ANKRD22: variants seen among roughly 807,000 people sequenced by gnomAD.
ANKRD22 encodes the protein ankyrin repeat domain-containing protein 22.
In ANKRD22, 24 loss-of-function variants were observed where a neutral mutation model predicts 25.7. The observed-to-expected ratio is 0.93, with a 90% confidence interval of 0.68 to 1.31. The LOEUF (loss-of-function observed/expected upper bound fraction) is 1.31, where lower values mean the gene tolerates loss of function less well. Ranked by LOEUF, ANKRD22 falls within the 50% of genes most tolerant of loss-of-function variation. The pLI is 0.00. For missense variants in ANKRD22, 214 were observed against 227.1 expected (o/e 0.94, Z 0.37); for synonymous variants, 84 against 84.3 (o/e 1.00, Z 0.02).
rs186030618 is a variant in ANKRD22 at position 88,844,817 on chromosome 10, C to T, written c.21+6770G>A. On this transcript the variant is annotated intron_variant, in intron 1 of 5. Transcript: ENST00000371930. ...TATGCACACATATATGAAATAAAAG[C>T]TTATATTGTAGAAGGCATATACAAA... Among the ~76,000 whole-genome samples, 40 of 152,084 alleles carry T rather than the reference C, an allele frequency of 2.6e-4. 1 individual carries two copies. The highest frequency in any genetic ancestry group is 2.5e-3 in the Admixed American group (38 of 15,262).
intron 1 of ANKRD22, among the ~76,000 whole-genome samples, chr10:88,846,279 G>T (rs1162048498): frequency 6.6e-6 from 1 of 152,042 alleles, no homozygotes; most frequent in African/African-American, 2.4e-5. Flanking sequence ...ACAAGCATTG[G>T]CAACAGCATA....
intron 5 of ANKRD22, 31 bp from the exon 6 acceptor site, chr10:88,823,049 A>G (rs1403638143): frequency 1.3e-6 from 2 of 1,592,884 alleles, no homozygotes; most frequent in Non-Finnish European, 1.7e-6. Context: ...AGTTATTTCC[A>G]ATAGAGTGCC....
rs1176064677 is a variant in ANKRD22, at chr10:88,822,235, TA to T, written c.*705del. On this transcript the variant is annotated 3_prime_UTR_variant, in exon 6 of 6. Transcript: ENST00000371930. The stretch of plus-strand genomic sequence containing the variant: ...TGTCAATTTGCCAATTTCTGTGGTG[TA>T]AACACACTCACCGCTGACACTTGAT... 1 of 152,226 alleles carries T rather than the reference TA, an allele frequency of 6.6e-6. No homozygotes were observed. Among genetic ancestry groups the T allele is most frequent in the Non-Finnish European group, 1.5e-5 (1 of 68,044 alleles). The allele number at this position is 152,226 out of a possible 1,614,324, so 9.4% of individuals were successfully genotyped here. A position where few individuals can be genotyped will look rare whatever the true frequency, so the allele number is the denominator to read the frequency against.
intron 1 of ANKRD22, among the ~76,000 whole-genome samples, chr10:88,842,126 C>T (rs1360732692): frequency 6.6e-6 from 1 of 152,050 alleles, no homozygotes; most frequent in African/African-American, 2.4e-5. Flanking sequence ...AGCACTAAAT[C>T]TCTAAATGTA....
intron 1 of ANKRD22, 22 bp downstream of exon 1, chr10:88,851,565 T>C: frequency 6.2e-7 from 1 of 1,613,092 alleles, no homozygotes; most frequent in Admixed American, 1.7e-5. Flanking sequence ...TTTGGAACTC[T>C]GCTTTCAGAA....
chr10:88,822,856 A>T lies in ANKRD22; in HGVS notation c.*85T>A. The T allele has an allele frequency of 1.6e-6, 2 of 1,257,992 alleles. No individual in the cohort carries two copies. Among genetic ancestry groups the T allele is most frequent in the South Asian group, 2.6e-5 (2 of 76,230 alleles). The allele number at this position is 1,257,992 out of a possible 1,614,324, so 77.9% of individuals were successfully genotyped here. ...CCATAAAATGGTGGCATCCAGGTTA[A>T]ATGGCCCACAGACCAAAAGTCTAAA... On this transcript the variant is annotated 3_prime_UTR_variant, in exon 6 of 6. Coordinates refer to ENST00000371930, the MANE Select transcript of ANKRD22 (RefSeq NM_144590.3).
intron 4 of ANKRD22, among the ~76,000 whole-genome samples, chr10:88,823,827 C>CAAAA (rs56194758): frequency 7.7e-5 from 8 of 103,748 alleles, no homozygotes; most frequent in Admixed American, 2.1e-4. Flanking sequence ...GACTCCGTCT[C>CAAAA]AAAAAAAAAA....
intron 2 of ANKRD22, among the ~76,000 whole-genome samples, chr10:88,831,120 T>C (rs1339993888): frequency 1.3e-5 from 2 of 152,184 alleles, no homozygotes; most frequent in African/African-American, 4.8e-5. Flanking sequence ...AGGACAGTCA[T>C]AATGATTGCA....
intron 1 of ANKRD22, among the ~76,000 whole-genome samples, chr10:88,846,165 A>T (rs576541373): frequency 5.3e-5 from 8 of 151,582 alleles, no homozygotes; most frequent in Non-Finnish European, 1.0e-4. Context: ...TTCTCATTTG[A>T]CATACAGAAT....
chr10:88,826,356 C>T (rs967233295), intron 3 of ANKRD22, among the ~76,000 whole-genome samples: 6 of 152,218 alleles, frequency 3.9e-5, no homozygotes, highest in Middle Eastern at 3.2e-3. Flanking sequence ...ATGTACTTCT[C>T]AGGTCCCACC....
rs1247586564 is a variant in ANKRD22 at position 88,820,188 on chromosome 10, A to G, written c.*2753T>C. On this transcript the variant is annotated 3_prime_UTR_variant, in exon 6 of 6. Transcript: ENST00000371930. ...TTGAAACATAAATTATGAGCCTGAA[A>G]GTCCAAATGTTACCTAGAGTTAAGA... 1 of 1,463,904 alleles carries G rather than the reference A, an allele frequency of 6.8e-7. No individual in the cohort carries two copies. The highest frequency in any genetic ancestry group is 9.1e-7 in the Non-Finnish European group (1 of 1,093,008). The allele number at this position is 1,463,904 out of a possible 1,614,324, so 90.7% of individuals were successfully genotyped here. A position where few individuals can be genotyped will look rare whatever the true frequency, so the allele number is the denominator to read the frequency against.
intron 1 of ANKRD22, among the ~76,000 whole-genome samples, chr10:88,845,716 C>G (rs181333307): frequency 6.6e-6 from 1 of 152,126 alleles, no homozygotes; most frequent in Admixed American, 6.6e-5. Flanking sequence ...ATGCAACCAT[C>G]ATTATCACTC....
chr10:88,841,816 A>G (rs1332595278), intron 1 of ANKRD22, among the ~76,000 whole-genome samples: 2 of 152,196 alleles, frequency 1.3e-5, no homozygotes, highest in Admixed American at 6.5e-5. Flanking sequence ...AAGCAACTCT[A>G]TAACTGCAAC....
At chr10:88,844,899 C>T (rs376540656) in intron 1 of ANKRD22, among the ~76,000 whole-genome samples, 1 of 152,046 alleles carries the variant, frequency 6.6e-6, no homozygotes, top group Admixed American at 6.6e-5. Flanking sequence ...TTTTTTCTCT[C>T]CCACTTTCTC....
At chr10:88,845,507 T>C (rs926681274) in intron 1 of ANKRD22, among the ~76,000 whole-genome samples, 23 of 152,134 alleles carry the variant, frequency 1.5e-4, no homozygotes, top group Non-Finnish European at 3.2e-4. Flanking sequence ...TAAAGTACCA[T>C]GTCCAAATAG....
intron 1 of ANKRD22, among the ~76,000 whole-genome samples, chr10:88,833,878 T>C (rs1031955742): frequency 2.6e-5 from 4 of 152,222 alleles, no homozygotes; most frequent in African/African-American, 9.6e-5. Context: ...CTGGGGCAGT[T>C]GAAACACTTG....
Position 88,843,509 on chromosome 10 carries a change from G to A in ANKRD22, c.21+8078C>T, listed in dbSNP as rs947820968. Among the ~76,000 whole-genome samples the A allele has an allele frequency of 4.8e-4, 73 of 152,236 alleles. 1 individual carries two copies. Among genetic ancestry groups the A allele is most frequent in the African/African-American group, 1.7e-3 (72 of 41,548 alleles). On this transcript the variant is annotated intron_variant, in intron 1 of 5. Coordinates refer to ENST00000371930, the MANE Select transcript of ANKRD22 (RefSeq NM_144590.3). ...GTCTGATGGTGCATCAAGGCAATTA[G>A]CATCTTTTTCATTTTTCAAAATTGT...
Position 88,836,697 on chromosome 10 carries a change from G to A in ANKRD22, c.22-4671C>T, listed in dbSNP as rs538178559. On this transcript the variant is annotated intron_variant, in intron 1 of 5. Transcript: ENST00000371930. ...CAGTCTGTATTCGGGATATTGATCT[G>A]TCCACTTGTGGCACTGACTTGCTGG... Among the ~76,000 whole-genome samples the A allele has an allele frequency of 2.2e-4, 34 of 152,304 alleles. 1 individual carries two copies. The East Asian group carries it at 6.6e-3, about 29-fold the overall frequency.
At position 88,822,483 on chromosome 10, in the gene ANKRD22, C is replaced by T. The variant is rs931288875; in HGVS notation, c.*458G>A. On this transcript the variant is annotated 3_prime_UTR_variant, in exon 6 of 6. Transcript: ENST00000371930. ...GTGATACAACTGGGAAGGGAGAACG[C>T]TGTTTCAGAAGATAACTCAGATCCT... 6.8e-6 allele frequency: 1 copy of T among 148,108 alleles called. No individual in the cohort carries two copies. Among genetic ancestry groups the T allele is most frequent in the Non-Finnish European group, 1.5e-5 (1 of 68,552 alleles). The allele number at this position is 148,108 out of a possible 1,614,324, so 9.2% of individuals were successfully genotyped here. A position where few individuals can be genotyped will look rare whatever the true frequency, so the allele number is the denominator to read the frequency against.
Sources: allele counts gnomAD v4.1 joint callset (sites outside exome capture counted in the v4.1 genomes callset), GRCh38; gene constraint gnomAD v4.1.1; transcripts MANE v1.5; gene names NCBI Gene and HGNC (gene_info 2026-07-23, HGNC 2026-07-21).